The following GALR1 variants were observed in gnomAD, a reference collection of about 807,000 sequenced individuals.
GALR1 encodes galanin receptor 1, also known as galanin receptor type 1.
A neutral mutation model predicts 17.9 loss-of-function variants in GALR1; 11 were observed. That is an observed-to-expected ratio of 0.62 (90% CI 0.39 to 1.02). The LOEUF (loss-of-function observed/expected upper bound fraction) is 1.02. Ranked by LOEUF, GALR1 falls within the 50% of genes least tolerant of loss-of-function variation. The pLI is 0.01. For missense variants in GALR1, 441 were observed against 456.9 expected (o/e 0.97, Z 0.32); for synonymous variants, 206 against 205.7 (o/e 1.00, Z -0.01).
chr18:77,260,169 T>C (rs1912798394), intron 2 of GALR1, among the ~76,000 whole-genome samples: 1 of 152,200 alleles, frequency 6.6e-6, no homozygotes, highest in Non-Finnish European at 1.5e-5. Context: ...CTTGCAGTCC[T>C]GAAGCTTGGA....
At chr18:77,251,577 G>T (rs80203569) in intron 1 of GALR1, among the ~76,000 whole-genome samples, 6 of 152,314 alleles carry the variant, frequency 3.9e-5, no homozygotes. Context: ...CATCCTTCCC[G>T]GTACAGCAAA....
chr18:77,256,349 T>C, intron 2 of GALR1, 126 bp downstream of exon 2: 1 of 580,860 alleles, frequency 1.7e-6, no homozygotes, highest in East Asian at 2.9e-5. Context: ...GCTAAGGAGG[T>C]TTGAGATGAG....
rs753930579 is a variant in GALR1 at position 77,250,754 on chromosome 18, C to T, written c.206C>T (p.Thr69Ile). 5.6e-6 allele frequency: 9 copies of T among 1,613,920 alleles called. No individual in the cohort carries two copies. The highest frequency in any genetic ancestry group is 7.6e-6 in the Non-Finnish European group (9 of 1,180,006). The part of the protein sequence containing the change: ...ARSKPGKPRS[T>I]TNLFILNLSI... ...AGCAAGCCGGGCAAGCCGCGGAGCA[C>T]CACCAACCTGTTCATCCTCAACCTG... The change falls in exon 1 of 3, where the codon ACC (threonine) becomes ATC (isoleucine). Residue 69 changes from threonine to isoleucine, a missense_variant. By Grantham distance (89) the Thr-to-Ile change is moderately conservative. Transcript: ENST00000299727.
At position 77,264,121 on chromosome 18, in the gene GALR1, G is replaced by A. The variant is rs376689885; in HGVS notation, c.733-4464G>A. On this transcript the variant is annotated intron_variant, in intron 2 of 2. Transcript: ENST00000299727. ...TGCACTCCAGCCTGGGTGACAGAGC[G>A]AGACTCCATCTCAAAAAAAAAAAAA... is the stretch of plus-strand genomic sequence containing the variant. 7.0e-5 allele frequency among the ~76,000 whole-genome samples: 8 copies of A among 113,818 alleles called. No individual in the cohort carries two copies. In the South Asian group the frequency reaches 9.8e-4, roughly 14 times the overall value. 74.7% of individuals were successfully genotyped at this position (113,818 alleles called of 152,430 possible).
In GALR1 at chr18:77,269,470, G is replaced by T. The variant is rs1369373672; in HGVS notation, c.*568G>T. On this transcript the variant is annotated 3_prime_UTR_variant, in exon 3 of 3. Transcript: ENST00000299727. Reference sequence around the variant, plus strand: ...CAGGTGGCATTTGCTTCCAATTGTAGCTAGCGCACAGAGCTTTGGAAGCCT... The same window carrying T: ...CAGGTGGCATTTGCTTCCAATTGTATCTAGCGCACAGAGCTTTGGAAGCCT... 1 of 152,792 alleles carries T rather than the reference G, an allele frequency of 6.5e-6. No homozygotes were observed. The highest frequency in any genetic ancestry group is 1.5e-5 in the Non-Finnish European group (1 of 68,552). The allele number at this position is 152,792 out of a possible 1,614,324, so 9.5% of individuals were successfully genotyped here.
At chr18:77,266,180 A>G (rs888589463) in intron 2 of GALR1, among the ~76,000 whole-genome samples, 5 of 152,212 alleles carry the variant, frequency 3.3e-5, no homozygotes, top group African/African-American at 1.2e-4. Flanking sequence ...TCTCTAGGGC[A>G]AGGGCAAAAT....
chr18:77,260,540 T>A (rs1182540789), intron 2 of GALR1, among the ~76,000 whole-genome samples: 2 of 152,226 alleles, frequency 1.3e-5, no homozygotes, highest in Non-Finnish European at 2.9e-5. Context: ...TAGGTTCCAA[T>A]TTATGAATTT....
Position 77,271,916 on chromosome 18 carries a change from C to T in GALR1, c.*3014C>T, listed in dbSNP as rs1002555205. 1.3e-5 allele frequency: 2 copies of T among 152,148 alleles called. No individual in the cohort carries two copies. Among genetic ancestry groups the T allele is most frequent in the African/African-American group, 4.8e-5 (2 of 41,412 alleles). 9.4% of individuals were successfully genotyped at this position (152,148 alleles called of 1,614,324 possible). On this transcript the variant is annotated 3_prime_UTR_variant, in exon 3 of 3. Transcript: ENST00000299727. ...ATGGAAACGTTTTCTTGTCCTATAT[C>T]CTGGGGATAGGAAACAGATTCTCTG...
intron 1 of GALR1, among the ~76,000 whole-genome samples, chr18:77,255,370 T>C (rs979768824): frequency 2.0e-5 from 3 of 152,220 alleles, no homozygotes; most frequent in Admixed American, 6.5e-5. Context: ...GTTTCTGTAA[T>C]TGAGGGAGTC....
In GALR1 at chr18:77,250,736, C is replaced by T. The variant is rs372334570; in HGVS notation, c.188C>T (p.Pro63Leu). ...LVITVLARSK[P>L]GKPRSTTNLF... The stretch of plus-strand genomic sequence containing the variant: ...ATCACCGTGCTGGCGCGCAGCAAGC[C>T]GGGCAAGCCGCGGAGCACCACCAAC... Residue 63 changes from proline (P) to leucine (L), a missense_variant, in exon 1 of 3, where the codon CCG (proline) becomes CTG (leucine). Physicochemically the swap from Pro to Leu is moderately conservative, Grantham distance 98. Coordinates refer to ENST00000299727, the MANE Select transcript of GALR1 (RefSeq NM_001480.4). 3 of 1,613,700 alleles carry T rather than the reference C, an allele frequency of 1.9e-6. No homozygotes were observed. The highest frequency in any genetic ancestry group is 2.7e-5 in the African/African-American group (2 of 74,938).
chr18:77,268,645 A>G lies in GALR1; in HGVS notation c.793A>G (p.Ile265Val). ...TGGAATCTCCTGGCTGCCGCACCAC[A>G]TCATCCATCTCTGGGCTGAGTTTGG... ...VFGISWLPHH[I>V]IHLWAEFGVF... Residue 265 changes from isoleucine to valine, a missense_variant, in exon 3 of 3, where the codon ATC becomes GTC. Transcript: ENST00000299727. 6.2e-7 allele frequency: 1 copy of G among 1,614,022 alleles called. No homozygotes were observed. Among genetic ancestry groups the G allele is most frequent in the Non-Finnish European group, 8.5e-7 (1 of 1,180,024 alleles).
chr18:77,268,694 C>T lies in GALR1; in HGVS notation c.842C>T (p.Ser281Phe), dbSNP rs267605260. The change falls in exon 3 of 3, where the codon TCC becomes TTC. Residue 281 changes from serine to phenylalanine, a missense_variant. Physicochemically the swap from Ser to Phe is radical, Grantham distance 155. Coordinates refer to ENST00000299727, the MANE Select transcript of GALR1 (RefSeq NM_001480.4). The stretch of plus-strand genomic sequence containing the variant: ...GGAGTTTTCCCGCTGACGCCGGCTT[C>T]CTTCCTCTTCAGAATCACCGCCCAC... ...EFGVFPLTPA[S>F]FLFRITAHCL... The T allele has an allele frequency of 6.2e-7, 1 of 1,614,148 alleles. No individual in the cohort carries two copies. The highest frequency in any genetic ancestry group is 1.3e-5 in the African/African-American group (1 of 75,016).
At chr18:77,252,422 T>C (rs1466208731) in intron 1 of GALR1, among the ~76,000 whole-genome samples, 5 of 152,242 alleles carry the variant, frequency 3.3e-5, no homozygotes, top group Non-Finnish European at 7.3e-5. Context: ...GTAGAACAAC[T>C]ATCACTTTTA....
At position 77,265,250 on chromosome 18, in the gene GALR1, C is replaced by T. The variant is rs536779893; in HGVS notation, c.733-3335C>T. On this transcript the variant is annotated intron_variant, in intron 2 of 2. Coordinates refer to ENST00000299727, the MANE Select transcript of GALR1 (RefSeq NM_001480.4). ...GCCAAAACAAAGAGGCTACAGGCCC[C>T]ATGCAAATCTGAAATCCAGTGGAGC... Among the ~76,000 whole-genome samples the T allele has an allele frequency of 1.3e-4, 20 of 152,328 alleles. No individual in the cohort carries two copies. In the East Asian group the frequency reaches 2.3e-3, roughly 18 times the overall value.
rs1912355542 is a variant in GALR1, at chr18:77,250,070, CA to C, written c.-478del. 6.6e-6 allele frequency among the ~76,000 whole-genome samples: 1 copy of C among 152,224 alleles called. No individual in the cohort carries two copies. The highest frequency in any genetic ancestry group is 2.1e-4 in the South Asian group (1 of 4,834). On this transcript the variant is annotated 5_prime_UTR_variant, in exon 1 of 3. The change abolishes the stop of an existing upstream ORF in the 5' untranslated region. Coordinates refer to ENST00000299727, the MANE Select transcript of GALR1 (RefSeq NM_001480.4). ...GCACAGTGCACTGCTGCGCGCTGGG[CA>C]GTGCGGGGAAGCGCCGCGGGAAGGA...
At position 77,276,475 on chromosome 18, in the gene GALR1, A is replaced by T. The variant is rs1214188715; in HGVS notation, c.*7573A>T. On this transcript the variant is annotated 3_prime_UTR_variant, in exon 3 of 3. Coordinates refer to ENST00000299727, the MANE Select transcript of GALR1 (RefSeq NM_001480.4). ...CTTAGATCAGAGATTCTTATATTTTATCAAGCATCAGAATCACCTGCAGAG... is the reference window on the plus strand; with the variant it reads ...CTTAGATCAGAGATTCTTATATTTTTTCAAGCATCAGAATCACCTGCAGAG... 4.6e-5 allele frequency: 7 copies of T among 152,220 alleles called. No individual in the cohort carries two copies. Among genetic ancestry groups the T allele is most frequent in the African/African-American group, 1.7e-4 (7 of 41,446 alleles). 9.4% of individuals were successfully genotyped at this position (152,220 alleles called of 1,614,324 possible). A position where few individuals can be genotyped will look rare whatever the true frequency, so the allele number is the denominator to read the frequency against.
At chr18:77,254,935 T>A (rs7227459) in intron 1 of GALR1, among the ~76,000 whole-genome samples, 61,811 of 152,032 alleles carry the variant, frequency 0.41, 13,522 homozygotes, top group African/African-American at 0.56. Context: ...CTGGGGTGGC[T>A]GCTTGTTCAC....
At chr18:77,254,998 T>A (rs1912554080) in intron 1 of GALR1, among the ~76,000 whole-genome samples, 1 of 152,164 alleles carries the variant, frequency 6.6e-6, no homozygotes, top group Non-Finnish European at 1.5e-5. Context: ...CCAAGTAAGG[T>A]GTGACTAATT....
chr18:77,262,199 GAGGTATA>G (rs1289305909), intron 2 of GALR1, among the ~76,000 whole-genome samples: 1 of 150,088 alleles, frequency 6.7e-6, no homozygotes, highest in African/African-American at 2.5e-5. Context: ...CATAAGAGAT[GAGGTATA>G]GCTATCCGAA....
Sources: allele counts gnomAD v4.1 joint callset (sites outside exome capture counted in the v4.1 genomes callset), GRCh38; gene constraint gnomAD v4.1.1; transcripts MANE v1.5; gene names NCBI Gene and HGNC (gene_info 2026-07-23, HGNC 2026-07-21).